Variants in POLD2 observed in about 807,000 individuals in gnomAD.
The protein encoded by POLD2 is DNA polymerase delta subunit 2.
In POLD2, 31 loss-of-function variants were observed where a neutral mutation model predicts 48.8. The observed-to-expected ratio is 0.64, with a 90% CI of 0.48 to 0.86. POLD2 has a LOEUF of 0.86. Ranked by LOEUF, POLD2 falls within the 40% of genes least tolerant of loss-of-function variation. POLD2 has a pLI of 0.00. For missense variants in POLD2, 455 were observed against 610.1 expected (o/e 0.75, Z 2.68); for synonymous variants, 233 against 256.3 (o/e 0.91, Z 0.87).
At position 44,123,399 on chromosome 7, in the gene POLD2, C is replaced by T. The variant is rs1032885960; in HGVS notation, c.-57+112G>A. ...CGGCGGGTGCCCCGGCTCGGATCCACGCGGCAGCTGCGGGACGTCCGCCAA... is the reference window on the plus strand; with the variant it reads ...CGGCGGGTGCCCCGGCTCGGATCCATGCGGCAGCTGCGGGACGTCCGCCAA... On this transcript the variant is annotated intron_variant, in intron 1 of 10. Coordinates refer to ENST00000610533, the MANE Select transcript of POLD2 (RefSeq NM_006230.4). The T allele has an allele frequency of 1.7e-4, 243 of 1,434,726 alleles. 1 individual carries two copies. In the East Asian group the frequency reaches 6.1e-3, roughly 36 times the overall value. 88.9% of individuals were successfully genotyped at this position (1,434,726 alleles called of 1,614,324 possible). A position where few individuals can be genotyped will look rare whatever the true frequency, so the allele number is the denominator to read the frequency against.
chr7:44,115,942 TG>T (rs1299467372), intron 8 of POLD2, 49 bp from the exon 9 acceptor site: 1 of 1,613,640 alleles, frequency 6.2e-7, no homozygotes. Context: ...CCACCCATAG[TG>T]GTCAGCCCAG....
chr7:44,118,176 GC>G, intron 2 of POLD2, 112 bp from the exon 3 acceptor site: 1 of 1,182,038 alleles, frequency 8.5e-7, no homozygotes, highest in Non-Finnish European at 1.2e-6. Context: ...CCCTGGCCTT[GC>G]CAGGAGAGAA....
intron 2 of POLD2, among the ~76,000 whole-genome samples, chr7:44,120,806 G>A (rs2096247212): frequency 6.6e-6 from 1 of 152,212 alleles, no homozygotes; most frequent in African/African-American, 2.4e-5. Flanking sequence ...CCCCAGCCAT[G>A]AGGAACTGTG....
Position 44,116,453 on chromosome 7 carries a change from C to T in POLD2, c.838G>A (p.Asp280Asn). Residue 280 changes from aspartate (D) to asparagine (N), a missense_variant, in exon 7 of 11, where the codon GAT becomes AAT. Physicochemically the swap from Asp to Asn is conservative, Grantham distance 23. Around this residue, in one of 3 missense-constraint regions of POLD2, gnomAD observed 349 missense variants for 437.4 expected, o/e 0.80. Coordinates refer to ENST00000610533, the MANE Select transcript of POLD2 (RefSeq NM_006230.4). The surrounding 1 kb of genome is among the most constrained non-coding windows in gnomAD (Gnocchi z 6.1). Reference protein sequence around the residue: ...AASVEAVKMLDEILLQLSASV... With the variant: ...AASVEAVKMLNEILLQLSASV... Reference sequence around the variant, plus strand: ...ACGCTCAGCTGCAGGAGGATCTCATCCAGCATCTTAACAGCCTCCACGCTG... The same window carrying T: ...ACGCTCAGCTGCAGGAGGATCTCATTCAGCATCTTAACAGCCTCCACGCTG... 6.3e-7 allele frequency: 1 copy of T among 1,583,116 alleles called. No individual in the cohort carries two copies. Among genetic ancestry groups the T allele is most frequent in the Admixed American group, 1.8e-5 (1 of 54,866 alleles).
intron 2 of POLD2, among the ~76,000 whole-genome samples, chr7:44,119,798 CAGG>C (rs1376484095): frequency 2.0e-5 from 3 of 152,342 alleles, no homozygotes; most frequent in African/African-American, 7.2e-5. Flanking sequence ...TGGGTCTAGG[CAGG>C]AGAACGACAA....
chr7:44,116,794 A>C lies in POLD2; in HGVS notation c.780+23T>G. 1 of 1,611,804 alleles carries C rather than the reference A, an allele frequency of 6.2e-7. No homozygotes were observed. The highest frequency in any genetic ancestry group is 8.5e-7 in the Non-Finnish European group (1 of 1,179,010). ...TTGCAGGCTCCTGGGCTGGGGCTGA[A>C]TGCAGCCAGGTGGGCTCCATACCTT... On this transcript the variant is annotated intron_variant, in intron 6 of 10. Transcript: ENST00000610533. This position sits in a 1 kb window ranked among gnomAD's most constrained non-coding sequence, Gnocchi z 6.1.
chr7:44,120,812 CTG>C (rs903857340), intron 2 of POLD2, among the ~76,000 whole-genome samples: 1 of 152,240 alleles, frequency 6.6e-6, no homozygotes, highest in Non-Finnish European at 1.5e-5. Flanking sequence ...CCATGAGGAA[CTG>C]TGAGTCAATT....
At chr7:44,123,999 G>C (rs1467632646), upstream of POLD2, among the ~76,000 whole-genome samples, 1 of 152,236 alleles carries the variant, frequency 6.6e-6, no homozygotes, top group Non-Finnish European at 1.5e-5. Context: ...CCAACAGAAA[G>C]AAGGCCCAAG....
rs2128813420 is a variant in POLD2 at position 44,123,505 on chromosome 7, A to C, written c.-57+6T>G. 1.2e-5 allele frequency: 18 copies of C among 1,483,790 alleles called. No individual in the cohort carries two copies. Among genetic ancestry groups the C allele is most frequent in the Non-Finnish European group, 1.4e-5 (16 of 1,125,196 alleles). The allele number at this position is 1,483,790 out of a possible 1,614,324, so 91.9% of individuals were successfully genotyped here. A position where few individuals can be genotyped will look rare whatever the true frequency, so the allele number is the denominator to read the frequency against. ...AGCTGACCCCGTTTCCCTGGACCCC[A>C]CTCACCGCGCGGCGCGCCGCATCCC... On this transcript the variant is annotated splice_donor_region_variant and intron_variant, in intron 1 of 10. Coordinates refer to ENST00000610533, the MANE Select transcript of POLD2 (RefSeq NM_006230.4).
At position 44,116,473 on chromosome 7, in the gene POLD2, A is replaced by G; in HGVS notation, c.818T>C (p.Val273Ala). The G allele has an allele frequency of 6.3e-7, 1 of 1,584,950 alleles. No individual in the cohort carries two copies. ...CTCATCCAGCATCTTAACAGCCTCC[A>G]CGCTGGCTGCCTGGGTTTTCTTGGT... ...YLTKKTQAAS[V>A]EAVKMLDEIL... Residue 273 changes from valine (V) to alanine (A), a missense_variant, in exon 7 of 11, where the codon GTG (valine) becomes GCG (alanine). By Grantham distance (64) the Val-to-Ala change is moderately conservative. Around this residue, in one of 3 missense-constraint regions of POLD2, gnomAD observed 349 missense variants for 437.4 expected, o/e 0.80. Coordinates refer to ENST00000610533, the MANE Select transcript of POLD2 (RefSeq NM_006230.4). The surrounding 1 kb of genome is among the most constrained non-coding windows in gnomAD (Gnocchi z 6.1).
rs147202391 is a variant in POLD2, at chr7:44,117,212, C to G, written c.502G>C (p.Asp168His). 2.9e-5 allele frequency: 46 copies of G among 1,613,892 alleles called. No homozygotes were observed. Among genetic ancestry groups the G allele is most frequent in the Non-Finnish European group, 3.6e-5 (42 of 1,179,946 alleles). The change falls in exon 5 of 11, where the codon GAC becomes CAC. Residue 168 changes from aspartate (D) to histidine (H), a missense_variant. This residue lies in a region of POLD2 where 349 missense variants were observed against 437.4 expected (regional missense o/e 0.80). Coordinates refer to ENST00000610533, the MANE Select transcript of POLD2 (RefSeq NM_006230.4). Reference protein sequence around the residue: ...VLAVFGSVRDDGKFLVEDYCF... With the variant: ...VLAVFGSVRDHGKFLVEDYCF... ...TAGTCCTCCACCAGAAACTTCCCGTCGTCTCTCACGGAGCCAAACACAGCC... is the reference window on the plus strand; with the variant it reads ...TAGTCCTCCACCAGAAACTTCCCGTGGTCTCTCACGGAGCCAAACACAGCC...
At chr7:44,118,176 G>T (rs369465862) in intron 2 of POLD2, 112 bp from the exon 3 acceptor site, 1 of 1,182,036 alleles carries the variant, frequency 8.5e-7, no homozygotes, top group Non-Finnish European at 1.2e-6. Flanking sequence ...CCCTGGCCTT[G>T]CCAGGAGAGA....
At position 44,121,137 on chromosome 7, in the gene POLD2, T is replaced by A. The variant is rs571592941; in HGVS notation, c.220+697A>T. ...TTTAAAAATATAATAGGAGATGGATTTGAAAATTACCTGGAAAGCCACTCT... is the reference window on the plus strand; with the variant it reads ...TTTAAAAATATAATAGGAGATGGATATGAAAATTACCTGGAAAGCCACTCT... On this transcript the variant is annotated intron_variant, in intron 2 of 10. Transcript: ENST00000610533. This position sits in a 1 kb window ranked among gnomAD's most constrained non-coding sequence, Gnocchi z 4.5. Among the ~76,000 whole-genome samples the A allele has an allele frequency of 3.9e-4, 60 of 152,078 alleles. No individual in the cohort carries two copies. Among genetic ancestry groups the A allele is most frequent in the African/African-American group, 1.4e-3 (56 of 41,466 alleles).
In POLD2 at chr7:44,116,183, C is replaced by T. The variant is rs1281612687; in HGVS notation, c.951G>A (p.Pro317=). The T allele has an allele frequency of 3.1e-6, 5 of 1,613,672 alleles. No homozygotes were observed. Among genetic ancestry groups the T allele is most frequent in the African/African-American group, 1.3e-5 (1 of 74,882 alleles). The part of the protein sequence containing the change: ...PQQPLHPCMF[P]LATAYSTLQL... The stretch of plus-strand genomic sequence containing the variant: ...GGAGCGTGGAGTAGGCAGTGGCCAG[C>T]GGGAACATGCAGGGGTGGAGGGGCT... The change falls in exon 8 of 11, where the codon CCG becomes CCA. Residue 317 remains proline, a synonymous_variant. Coordinates refer to ENST00000610533, the MANE Select transcript of POLD2 (RefSeq NM_006230.4). This position sits in a 1 kb window ranked among gnomAD's most constrained non-coding sequence, Gnocchi z 6.1.
intron 2 of POLD2, among the ~76,000 whole-genome samples, chr7:44,119,160 C>T (rs2096245001): frequency 6.6e-6 from 1 of 152,082 alleles, no homozygotes; most frequent in South Asian, 2.1e-4. Flanking sequence ...CTTCCCCAGC[C>T]CCTTCCCGGG....
At position 44,121,804 on chromosome 7, in the gene POLD2, G is replaced by C. The variant is rs201277098; in HGVS notation, c.220+30C>G. ...CACTTCTAAGTTCAGGGATGCTGTG[G>C]GGGAAGCACCTTCCCAAACTCTCAC... is the stretch of plus-strand genomic sequence containing the variant. On this transcript the variant is annotated intron_variant, in intron 2 of 10. Transcript: ENST00000610533. This position sits in a 1 kb window ranked among gnomAD's most constrained non-coding sequence, Gnocchi z 4.5. 1.2e-4 allele frequency: 190 copies of C among 1,595,754 alleles called. 1 individual carries two copies. In the East Asian group the frequency reaches 4.1e-3, roughly 35 times the overall value.
At position 44,116,651 on chromosome 7, in the gene POLD2, C is replaced by A; in HGVS notation, c.781-141G>T. The A allele has an allele frequency of 1.0e-6, 1 of 1,004,314 alleles. No homozygotes were observed. The highest frequency in any genetic ancestry group is 1.5e-5 in the South Asian group (1 of 67,118). 62.2% of individuals were successfully genotyped at this position (1,004,314 alleles called of 1,614,324 possible). On this transcript the variant is annotated intron_variant, in intron 6 of 10. Transcript: ENST00000610533. The surrounding 1 kb of genome is among the most constrained non-coding windows in gnomAD (Gnocchi z 6.1). Reference sequence around the variant, plus strand: ...AGCCTCCCACCATCCTCAGCGAGGGCCTGGGCATGAGGAGCCCCATTGCAG... The same window carrying A: ...AGCCTCCCACCATCCTCAGCGAGGGACTGGGCATGAGGAGCCCCATTGCAG...
intron 2 of POLD2, among the ~76,000 whole-genome samples, chr7:44,120,722 C>T (rs1410289346): frequency 1.3e-5 from 2 of 152,162 alleles, no homozygotes; most frequent in African/African-American, 4.8e-5. Flanking sequence ...CTTGCTCTCT[C>T]TCTCCTGCTA....
rs2096241919 is a variant in POLD2, at chr7:44,117,443, C to G, written c.466+176G>C. 4.9e-6 allele frequency: 4 copies of G among 818,612 alleles called. No homozygotes were observed. In the South Asian group the frequency reaches 5.2e-5, roughly 11 times the overall value. The allele number at this position is 818,612 out of a possible 1,614,324, so 50.7% of individuals were successfully genotyped here. A position where few individuals can be genotyped will look rare whatever the true frequency, so the allele number is the denominator to read the frequency against. On this transcript the variant is annotated intron_variant, in intron 4 of 10. Coordinates refer to ENST00000610533, the MANE Select transcript of POLD2 (RefSeq NM_006230.4). ...GGGGAGACCCATCTCCCAGCCAGGT[C>G]TCACCCAATCTGATGGCCTCCGACC...
Sources: allele counts gnomAD v4.1 joint callset (sites outside exome capture counted in the v4.1 genomes callset), GRCh38; gene constraint gnomAD v4.1.1; regional missense constraint gnomAD v4.1.1; non-coding constraint Gnocchi (gnomAD v3.1); transcripts MANE v1.5; gene names NCBI Gene and HGNC (gene_info 2026-07-23, HGNC 2026-07-21).